Variants in IQCH observed in about 807,000 individuals in gnomAD.
IQCH encodes the protein IQ domain-containing protein H.
A neutral mutation model predicts 117.0 loss-of-function variants in IQCH; 98 were observed. The observed-to-expected ratio is 0.84, with a 90% CI of 0.71 to 0.99. The LOEUF is 0.99. Ranked by LOEUF, IQCH falls within the 50% of genes least tolerant of loss-of-function variation. The pLI is 0.00. For missense variants in IQCH, 1,102 were observed against 1,243.8 expected, an observed-to-expected ratio of 0.89 and a Z score of 1.72; for synonymous variants, 412 against 448.2, an observed-to-expected ratio of 0.92 and a Z score of 1.02.
intron 16 of IQCH, among the ~76,000 whole-genome samples, chr15:67,429,900 T>C (rs536789683): frequency 1.3e-5 from 2 of 152,382 alleles, no homozygotes; most frequent in South Asian, 4.1e-4. Flanking sequence ...AATGAGGTTC[T>C]AGCAGAATAG....
chr15:67,262,190 T>A (rs1267648921), intron 2 of IQCH, among the ~76,000 whole-genome samples: 2 of 152,140 alleles, frequency 1.3e-5, no homozygotes, highest in Non-Finnish European at 2.9e-5. Context: ...TGGGTAAAAC[T>A]AAAGAAATAT....
In IQCH at chr15:67,401,527, A is replaced by G. The variant is rs1282508026; in HGVS notation, c.2097+1222A>G. On this transcript the variant is annotated intron_variant, in intron 14 of 20. Transcript: ENST00000335894. This position sits in a 1 kb window ranked among gnomAD's most constrained non-coding sequence, Gnocchi z 4.7. ...GCTTTGAGCATCCCGCTACGGAAGTATATGAATCAAGACACAAGTGATAGA... is the reference window on the plus strand; with the variant it reads ...GCTTTGAGCATCCCGCTACGGAAGTGTATGAATCAAGACACAAGTGATAGA... Among the ~76,000 whole-genome samples, 1 of 148,854 alleles carries G rather than the reference A, an allele frequency of 6.7e-6. No individual in the cohort carries two copies. Among genetic ancestry groups the G allele is most frequent in the Admixed American group, 7.0e-5 (1 of 14,374 alleles).
intron 4 of IQCH, among the ~76,000 whole-genome samples, chr15:67,319,300 G>A (rs1221201554): frequency 1.3e-5 from 2 of 152,136 alleles, no homozygotes; most frequent in African/African-American, 4.8e-5. Context: ...CTCATTACAA[G>A]AAAAGTCCAT....
At position 67,421,457 on chromosome 15, in the gene IQCH, T is replaced by G. The variant is rs535159658; in HGVS notation, c.2385T>G (p.Asp795Glu). The change falls in exon 16 of 21, where the codon GAT becomes GAG. Residue 795 changes from aspartate to glutamate, a missense_variant. Asp to Glu is a conservative substitution (Grantham distance 45). Around this residue, in one of 2 missense-constraint regions of IQCH, gnomAD observed 650 missense variants for 794.3 expected, o/e 0.82. Transcript: ENST00000335894. ...CCACCGTGCCTCAGACCTCAGTGGA[T>G]CCCCAAGTTCTCACTTATTTGTGCC... ...SGTTVPQTSV[D>E]PQVLTYLCLQ... The G allele has an allele frequency of 2.3e-5, 37 of 1,614,142 alleles. No individual in the cohort carries two copies. Among genetic ancestry groups the G allele is most frequent in the African/African-American group, 1.9e-4 (14 of 75,038 alleles).
At chr15:67,497,424 A>C (rs1849510958) in intron 20 of IQCH, among the ~76,000 whole-genome samples, 2 of 152,264 alleles carry the variant, frequency 1.3e-5, no homozygotes, top group Non-Finnish European at 2.9e-5. Flanking sequence ...TGTGTAATGA[A>C]TAATGCAAAA....
At chr15:67,278,518 A>G (rs1472705650) in intron 3 of IQCH, among the ~76,000 whole-genome samples, 3 of 152,212 alleles carry the variant, frequency 2.0e-5, no homozygotes, top group African/African-American at 7.2e-5. Flanking sequence ...GTGATGCTTT[A>G]TAATACTCCT....
chr15:67,423,747 G>A (rs1011695435), intron 16 of IQCH, among the ~76,000 whole-genome samples: 1 of 151,448 alleles, frequency 6.6e-6, no homozygotes, highest in East Asian at 2.0e-4. Context: ...CCAGCTGCTC[G>A]GGAGGCTGAG....
intron 18 of IQCH, among the ~76,000 whole-genome samples, chr15:67,485,957 A>C (rs941514217): frequency 6.6e-6 from 1 of 151,692 alleles, no homozygotes; most frequent in Non-Finnish European, 1.5e-5. Context: ...GCGCCCGACC[A>C]AGAAACAGAA....
rs1174102266 is a variant in IQCH at position 67,466,825 on chromosome 15, C to T, written c.2676+1528C>T. 1 of 152,420 alleles carries T rather than the reference C, an allele frequency of 6.6e-6. No individual in the cohort carries two copies. Among genetic ancestry groups the T allele is most frequent in the African/African-American group, 2.4e-5 (1 of 41,450 alleles). 9.4% of individuals were successfully genotyped at this position (152,420 alleles called of 1,614,324 possible). ...GTCCATCTCCACCTGTGGCCTCCAT[C>T]CTCACCAAAGAGACCTGAGAGACCC... On this transcript the variant is annotated intron_variant, in intron 17 of 20. Transcript: ENST00000335894. The surrounding 1 kb of genome is among the most constrained non-coding windows in gnomAD (Gnocchi z 4.4).
intron 16 of IQCH, among the ~76,000 whole-genome samples, chr15:67,446,889 G>A (rs574185736): frequency 4.4e-4 from 67 of 152,300 alleles, no homozygotes; most frequent in Middle Eastern, 3.4e-3. Context: ...GAAGTCCCAC[G>A]GTAAATCACA....
In IQCH at chr15:67,456,880, C is replaced by T. The variant is rs558312037; in HGVS notation, c.2506-8247C>T. Reference sequence around the variant, plus strand: ...CTTACCCCACCCACTCCAAACACCCCATAGAAGGCAGTGTCCAAGGGGATT... The same window carrying T: ...CTTACCCCACCCACTCCAAACACCCTATAGAAGGCAGTGTCCAAGGGGATT... On this transcript the variant is annotated intron_variant, in intron 16 of 20. Transcript: ENST00000335894. The surrounding 1 kb of genome is among the most constrained non-coding windows in gnomAD (Gnocchi z 5.1). Among the ~76,000 whole-genome samples, 19 of 152,202 alleles carry T rather than the reference C, an allele frequency of 1.2e-4. No individual in the cohort carries two copies. In the East Asian group the frequency reaches 3.5e-3, roughly 28 times the overall value.
At chr15:67,437,724 T>C (rs1421527093) in intron 16 of IQCH, among the ~76,000 whole-genome samples, 4 of 152,142 alleles carry the variant, frequency 2.6e-5, no homozygotes, top group South Asian at 4.2e-4. Flanking sequence ...ACAGGAAACA[T>C]TGGACACACT....
In IQCH at chr15:67,417,014, G is replaced by A. The variant is rs903032229; in HGVS notation, c.2181G>A (p.Pro727=). The change falls in exon 15 of 21, where the codon CCG becomes CCA. Residue 727 remains proline (P), a synonymous_variant. Transcript: ENST00000335894. This position sits in a 1 kb window ranked among gnomAD's most constrained non-coding sequence, Gnocchi z 4.3. ...HAQPVNEKRF[P]TWRKFLQTFL... ...AGCCAGTCAATGAGAAACGGTTCCC[G>A]ACGTGGAGGAAATTCCTCCAAACAT... 2.1e-5 allele frequency: 34 copies of A among 1,610,482 alleles called. No individual in the cohort carries two copies. Among genetic ancestry groups the A allele is most frequent in the Middle Eastern group, 1.7e-4 (1 of 6,056 alleles).
At chr15:67,304,811 A>G (rs543438317) in intron 4 of IQCH, among the ~76,000 whole-genome samples, 40 of 152,254 alleles carry the variant, frequency 2.6e-4, no homozygotes, top group Non-Finnish European at 1.3e-4. Flanking sequence ...GAAAAATCCA[A>G]ATAAAACAAC....
Position 67,457,614 on chromosome 15 carries a change from T to C in IQCH, c.2506-7513T>C, listed in dbSNP as rs896985612. ...TATGTCTGCCAGGCCTCTGTAGTAA[T>C]AGTCTCACACACTATCTCATTTAGC... On this transcript the variant is annotated intron_variant, in intron 16 of 20. Coordinates refer to ENST00000335894, the MANE Select transcript of IQCH (RefSeq NM_001031715.3). This position sits in a 1 kb window ranked among gnomAD's most constrained non-coding sequence, Gnocchi z 5.7. 6.6e-6 allele frequency among the ~76,000 whole-genome samples: 1 copy of C among 152,324 alleles called. No homozygotes were observed. The highest frequency in any genetic ancestry group is 3.4e-3 in the Middle Eastern group (1 of 294).
At chr15:67,368,170 G>T (rs1193880433) in intron 8 of IQCH, among the ~76,000 whole-genome samples, 1 of 152,172 alleles carries the variant, frequency 6.6e-6, no homozygotes. Context: ...TTGAACCCAG[G>T]TTAGCTGGAC....
In IQCH at chr15:67,494,267, C is replaced by G; in HGVS notation, c.2871C>G (p.Gly957=). The change falls in exon 20 of 21, where the codon GGC becomes GGG. Residue 957 remains glycine, a synonymous_variant. Coordinates refer to ENST00000335894, the MANE Select transcript of IQCH (RefSeq NM_001031715.3). This position sits in a 1 kb window ranked among gnomAD's most constrained non-coding sequence, Gnocchi z 5.5. ...TGGATATCATTAACAGAACAATCGG[C>G]GAGGATCTCCAGGGGGTCCTCATGA... ...KRHKLGMLTI[G]EDLQGVLMTF... 1 of 1,607,048 alleles carries G rather than the reference C, an allele frequency of 6.2e-7. No homozygotes were observed. The highest frequency in any genetic ancestry group is 8.5e-7 in the Non-Finnish European group (1 of 1,177,740).
chr15:67,343,982 T>TA (rs1969277193), intron 5 of IQCH, 81 bp from the exon 6 acceptor site: 21 of 1,264,850 alleles, frequency 1.7e-5, no homozygotes, highest in Non-Finnish European at 2.4e-5. Context: ...TGGAGTAAGT[T>TA]ACACTTGTGA....
At chr15:67,332,036 G>A (rs951416083) in intron 4 of IQCH, among the ~76,000 whole-genome samples, 1 of 152,102 alleles carries the variant, frequency 6.6e-6, no homozygotes, top group African/African-American at 2.4e-5. Flanking sequence ...AAGGAACCAA[G>A]TACCACAATA....
Sources: allele counts gnomAD v4.1 joint callset (sites outside exome capture counted in the v4.1 genomes callset), GRCh38; gene constraint gnomAD v4.1.1; regional missense constraint gnomAD v4.1.1; non-coding constraint Gnocchi (gnomAD v3.1); transcripts MANE v1.5; gene names NCBI Gene and HGNC (gene_info 2026-07-23, HGNC 2026-07-21).